The following WWC2 variants were observed in gnomAD, a reference collection of about 807,000 sequenced individuals.
WWC2 encodes the protein WW and C2 domain containing 2.
Under a neutral mutation model 138.5 loss-of-function variants are expected in WWC2, and 101 were observed. The observed-to-expected ratio is 0.73, with a 90% CI of 0.62 to 0.86. The LOEUF (loss-of-function observed/expected upper bound fraction) is 0.86, where lower values mean the gene tolerates loss of function less well. Ranked by LOEUF, WWC2 falls within the 40% of genes least tolerant of loss-of-function variation. The pLI is 0.00. For synonymous variants in WWC2, 558 were observed against 538.4 expected (o/e 1.04, Z -0.50); for missense variants, 1,420 against 1,419.4 (o/e 1.00, Z -0.01).
chr4:183,132,226 T>G (rs1732948004), intron 1 of WWC2, among the ~76,000 whole-genome samples: 1 of 152,154 alleles, frequency 6.6e-6, no homozygotes, highest in African/African-American at 2.4e-5. Flanking sequence ...TTTATTTTGT[T>G]TTCCTGCCAT....
At chr4:183,202,302 C>T (rs768050314) in intron 2 of WWC2, among the ~76,000 whole-genome samples, 26 of 152,190 alleles carry the variant, frequency 1.7e-4, no homozygotes, top group South Asian at 4.1e-4. Context: ...AGGATGGGCT[C>T]ATGGGAGTCA....
At chr4:183,146,826 G>T (rs1395844054) in intron 1 of WWC2, among the ~76,000 whole-genome samples, 1 of 152,246 alleles carries the variant, frequency 6.6e-6, no homozygotes, top group African/African-American at 2.4e-5. Context: ...CAGCTGGGCA[G>T]TTGAAGGATC....
chr4:183,263,135 G>T (rs1737386403), intron 11 of WWC2, among the ~76,000 whole-genome samples: 1 of 152,186 alleles, frequency 6.6e-6, no homozygotes, highest in Non-Finnish European at 1.5e-5. Context: ...AGAAGAAAAT[G>T]GAATGTTCTG....
intron 7 of WWC2, 93 bp downstream of exon 7, chr4:183,248,953 G>A: frequency 8.0e-7 from 1 of 1,253,766 alleles, no homozygotes; most frequent in Non-Finnish European, 1.1e-6. Flanking sequence ...AAGTATATGT[G>A]ACTTGGATTC....
In WWC2 at chr4:183,152,547, C is replaced by T. The variant is rs532922470; in HGVS notation, c.132-41052C>T. Among the ~76,000 whole-genome samples the T allele has an allele frequency of 1.6e-3, 223 of 139,490 alleles. 1 individual carries two copies. The highest frequency in any genetic ancestry group is 5.7e-3 in the African/African-American group (213 of 37,598). 91.5% of individuals were successfully genotyped at this position (139,490 alleles called of 152,430 possible). ...GTGAAACTTAAAAAAAAAAAAAAAA[C>T]GCACACACAGGCGTTCACATGTGCA... On this transcript the variant is annotated intron_variant, in intron 1 of 22. Transcript: ENST00000403733.
Position 183,320,134 on chromosome 4 carries a change from A to G in WWC2, c.*4405A>G, listed in dbSNP as rs1314663416. ...TTGAGGTTCTTCCAGTGTGGCAGGT[A>G]GTTTGTAAGACAGGATAAAACCCAT... is the stretch of plus-strand genomic sequence containing the variant. On this transcript the variant is annotated 3_prime_UTR_variant, in exon 23 of 23. Coordinates refer to ENST00000403733, the MANE Select transcript of WWC2 (RefSeq NM_024949.6). 1.2e-6 allele frequency: 2 copies of G among 1,614,140 alleles called. No individual in the cohort carries two copies. Among genetic ancestry groups the G allele is most frequent in the Non-Finnish European group, 1.7e-6 (2 of 1,180,020 alleles).
At chr4:183,263,425 T>C (rs1737400023) in intron 11 of WWC2, among the ~76,000 whole-genome samples, 1 of 152,248 alleles carries the variant, frequency 6.6e-6, no homozygotes, top group African/African-American at 2.4e-5. Context: ...TGGGTCTTGC[T>C]GTGTCTGAAA....
chr4:183,158,267 A>T (rs1232235506), intron 1 of WWC2, among the ~76,000 whole-genome samples: 3 of 152,188 alleles, frequency 2.0e-5, no homozygotes, highest in Admixed American at 6.5e-5. Context: ...CGCTTGTGGA[A>T]AAAATGAGGT....
Position 183,319,734 on chromosome 4 carries a change from A to C in WWC2, c.*4005A>C. Reference sequence around the variant, plus strand: ...CCAGCCCAGAAACAGGGCCTCCCCAAACTCCCACCTGGGGACAAAGTCTGG... The same window carrying C: ...CCAGCCCAGAAACAGGGCCTCCCCACACTCCCACCTGGGGACAAAGTCTGG... On this transcript the variant is annotated 3_prime_UTR_variant, in exon 23 of 23. Coordinates refer to ENST00000403733, the MANE Select transcript of WWC2 (RefSeq NM_024949.6). 6.2e-7 allele frequency: 1 copy of C among 1,613,974 alleles called. No homozygotes were observed. The highest frequency in any genetic ancestry group is 2.2e-5 in the East Asian group (1 of 44,880).
intron 2 of WWC2, among the ~76,000 whole-genome samples, chr4:183,205,534 A>T (rs541725458): frequency 6.6e-6 from 1 of 152,280 alleles, no homozygotes; most frequent in South Asian, 2.1e-4. Context: ...ATTATAGTGG[A>T]TGCTAGACAT....
At chr4:183,150,944 G>T (rs985311268) in intron 1 of WWC2, among the ~76,000 whole-genome samples, 1 of 152,236 alleles carries the variant, frequency 6.6e-6, no homozygotes. Flanking sequence ...ATCATTGATG[G>T]ACATTTGGGT....
intron 4 of WWC2, among the ~76,000 whole-genome samples, chr4:183,228,454 A>G (rs1309736647): frequency 6.6e-6 from 1 of 152,096 alleles, no homozygotes; most frequent in Non-Finnish European, 1.5e-5. Flanking sequence ...CCTATGCTAT[A>G]TTGGGGTGGG....
Position 183,271,244 on chromosome 4 carries a change from G to A in WWC2, c.2562+3G>A. On this transcript the variant is annotated splice_donor_region_variant and intron_variant, in intron 16 of 22. Coordinates refer to ENST00000403733, the MANE Select transcript of WWC2 (RefSeq NM_024949.6). ...CGTTAGTAGATTCTATAGACTTGGT[G>A]AGTCAAAATTAGAGTATAATATGAA... 1 of 1,600,204 alleles carries A rather than the reference G, an allele frequency of 6.2e-7. No homozygotes were observed. The highest frequency in any genetic ancestry group is 8.5e-7 in the Non-Finnish European group (1 of 1,174,684).
chr4:183,126,060 G>C (rs1732746566), intron 1 of WWC2, among the ~76,000 whole-genome samples: 2 of 152,208 alleles, frequency 1.3e-5, no homozygotes, highest in Admixed American at 1.3e-4. Flanking sequence ...CTTAAATGTT[G>C]TGCCTTAGGA....
chr4:183,205,944 C>T (rs147955753), intron 2 of WWC2, among the ~76,000 whole-genome samples: 19 of 152,214 alleles, frequency 1.2e-4, no homozygotes, highest in Non-Finnish European at 2.1e-4. Flanking sequence ...CTTCTTGTGA[C>T]CCCTGTGCAA....
intron 4 of WWC2, among the ~76,000 whole-genome samples, chr4:183,235,614 C>G (rs1477825327): frequency 6.6e-6 from 1 of 152,178 alleles, no homozygotes; most frequent in Non-Finnish European, 1.5e-5. Context: ...TCTTGTTTCA[C>G]TTGGCACAAT....
chr4:183,260,792 A>G (rs1012028608), intron 10 of WWC2, 118 bp from the exon 11 acceptor site: 4 of 1,365,456 alleles, frequency 2.9e-6, no homozygotes, highest in Non-Finnish European at 3.9e-6. Flanking sequence ...GTCCCTGGCC[A>G]TTGATTCCAT....
In WWC2 at chr4:183,208,045, C is replaced by T. The variant is rs777231708; in HGVS notation, c.334C>T (p.Arg112Trp). 10 of 1,613,786 alleles carry T rather than the reference C, an allele frequency of 6.2e-6. No homozygotes were observed. Among genetic ancestry groups the T allele is most frequent in the South Asian group, 4.4e-5 (4 of 91,062 alleles). The stretch of plus-strand genomic sequence containing the variant: ...CCTCTCTGTGGCACAGGATGCCCTC[C>T]GGACACAGAAGGAACTGTACCATGT... ...DYLSVAQDAL[R>W]TQKELYHVKE... The change falls in exon 3 of 23, where the codon CGG (arginine) becomes TGG (tryptophan). Residue 112 changes from arginine to tryptophan, a missense_variant. Arg to Trp is a moderately radical substitution (Grantham distance 101). Coordinates refer to ENST00000403733, the MANE Select transcript of WWC2 (RefSeq NM_024949.6).
At chr4:183,148,819 G>A (rs890325085) in intron 1 of WWC2, among the ~76,000 whole-genome samples, 6 of 152,246 alleles carry the variant, frequency 3.9e-5, no homozygotes, top group African/African-American at 1.4e-4. Context: ...AGCATTTAGT[G>A]TAGATGAGCA....
Sources: allele counts gnomAD v4.1 joint callset (sites outside exome capture counted in the v4.1 genomes callset), GRCh38; gene constraint gnomAD v4.1.1; transcripts MANE v1.5; gene names NCBI Gene and HGNC (gene_info 2026-07-23, HGNC 2026-07-21).